The following CDC14B variants were observed in gnomAD, a reference collection of about 807,000 sequenced individuals.
The protein encoded by CDC14B is cell division cycle 14B, also known as dual specificity protein phosphatase CDC14B.
A neutral mutation model predicts 64.2 loss-of-function variants in CDC14B; 22 were observed. The observed-to-expected ratio is 0.34, with a 90% CI of 0.24 to 0.49. The LOEUF is 0.49. Ranked by LOEUF, CDC14B falls within the 20% of genes least tolerant of loss-of-function variation. CDC14B has a pLI of 0.99. For synonymous variants in CDC14B, 191 were observed against 215.8 expected, an observed-to-expected ratio of 0.89 and a Z score of 1.01; for missense variants, 498 against 629.9, an observed-to-expected ratio of 0.79 and a Z score of 2.24.
chr9:96,524,430 G>A (rs762376377), intron 9 of CDC14B, among the ~76,000 whole-genome samples: 1 of 152,142 alleles, frequency 6.6e-6, no homozygotes, highest in Non-Finnish European at 1.5e-5. Context: ...AAAACCAAAG[G>A]CTTGTAATTT....
intron 1 of CDC14B, among the ~76,000 whole-genome samples, chr9:96,570,892 C>T (rs963075581): frequency 2.6e-5 from 4 of 151,950 alleles, no homozygotes; most frequent in Admixed American, 1.3e-4. Context: ...GGATCTGAAG[C>T]GTAAGATTAA....
chr9:96,598,791 A>G (rs1470845314), intron 1 of CDC14B, among the ~76,000 whole-genome samples: 1 of 152,240 alleles, frequency 6.6e-6, no homozygotes, highest in Non-Finnish European at 1.5e-5. Context: ...ATGTGAAATG[A>G]CATATATGTC....
intron 12 of CDC14B, among the ~76,000 whole-genome samples, chr9:96,512,609 G>C (rs560419716): frequency 1.3e-5 from 2 of 152,260 alleles, no homozygotes; most frequent in East Asian, 3.9e-4. Flanking sequence ...ATAGGCATGA[G>C]CCAGTCTGCC....
chr9:96,490,991 G>T (rs973184399), exon 14 of CDC14B: 2 of 152,282 alleles, frequency 1.3e-5, no homozygotes, highest in African/African-American at 4.8e-5. Flanking sequence ...GGGGTTGGGG[G>T]TACACCTCAG....
chr9:96,577,588 A>C (rs1200861277), intron 1 of CDC14B, among the ~76,000 whole-genome samples: 1 of 152,190 alleles, frequency 6.6e-6, no homozygotes, highest in Admixed American at 6.5e-5. Flanking sequence ...CTTTGTGGTT[A>C]AGTGAACAGA....
At chr9:96,560,759 C>CTT (rs369325680) in intron 4 of CDC14B, among the ~76,000 whole-genome samples, 4 of 132,452 alleles carry the variant, frequency 3.0e-5, no homozygotes, top group Non-Finnish European at 1.6e-5. Flanking sequence ...ACTACTCAAA[C>CTT]TTTTTTTTTT....
At chr9:96,511,666 C>T (rs879929883) in intron 12 of CDC14B, among the ~76,000 whole-genome samples, 6 of 152,186 alleles carry the variant, frequency 3.9e-5, no homozygotes, top group Non-Finnish European at 5.9e-5. Flanking sequence ...TTTACTCATG[C>T]AGGATTTCTG....
At chr9:96,496,162 T>C (rs1007034712), downstream of CDC14B, 1 of 403,432 alleles carries the variant, frequency 2.5e-6, no homozygotes, top group Non-Finnish European at 5.0e-6. Context: ...AGGAAGGCCC[T>C]GGGCTGATGG....
At chr9:96,589,928 C>T (rs1278034698) in intron 1 of CDC14B, among the ~76,000 whole-genome samples, 15 of 151,254 alleles carry the variant, frequency 9.9e-5, no homozygotes, top group African/African-American at 3.2e-4. Context: ...ACCACTGCAC[C>T]CCAGCCTGGG....
At chr9:96,551,370 C>T (rs1004288060) in intron 5 of CDC14B, among the ~76,000 whole-genome samples, 1 of 152,044 alleles carries the variant, frequency 6.6e-6, no homozygotes, top group Non-Finnish European at 1.5e-5. Context: ...AATCATTCCA[C>T]CTTGGCATTC....
In CDC14B at chr9:96,520,095, A is replaced by G. The variant is rs181526403; in HGVS notation, c.1343+2411T>C. ...TGCAAATAATAGCAGAGAGGGTTTG[A>G]AAAAGCAGAGACGGGGATAAGCAAA... On this transcript the variant is annotated intron_variant, in intron 12 of 13. Coordinates refer to ENST00000375241, the MANE Select transcript of CDC14B (RefSeq NM_033331.4). Among the ~76,000 whole-genome samples, 315 of 152,362 alleles carry G rather than the reference A, an allele frequency of 2.1e-3. 2 individuals carry two copies. Among genetic ancestry groups the G allele is most frequent in the South Asian group, 0.019 (93 of 4,832 alleles).
chr9:96,615,302 TCC>T (rs759696769), intron 1 of CDC14B, among the ~76,000 whole-genome samples: 2 of 152,162 alleles, frequency 1.3e-5, no homozygotes, highest in Non-Finnish European at 2.9e-5. Context: ...CTTAGTCTGC[TCC>T]TAGTAAGAGT....
At chr9:96,521,268 G>A (rs1836672928) in intron 12 of CDC14B, among the ~76,000 whole-genome samples, 1 of 151,970 alleles carries the variant, frequency 6.6e-6, no homozygotes, top group African/African-American at 2.4e-5. Context: ...TTGTAGAGAC[G>A]GGGTTTCACC....
intron 4 of CDC14B, among the ~76,000 whole-genome samples, chr9:96,555,277 C>A (rs1487425916): frequency 6.6e-6 from 1 of 152,154 alleles, no homozygotes; most frequent in Non-Finnish European, 1.5e-5. Flanking sequence ...CTCTTAGAAC[C>A]CTCGCTCTGG....
At chr9:96,561,173 G>C (rs142086846) in intron 4 of CDC14B, among the ~76,000 whole-genome samples, 1 of 152,310 alleles carries the variant, frequency 6.6e-6, no homozygotes, top group African/African-American at 2.4e-5. Flanking sequence ...CTGACCTCAA[G>C]TGATCTGCCT....
In CDC14B at chr9:96,564,790, T is replaced by A; in HGVS notation, c.314A>T (p.Asn105Ile). The change falls in exon 3 of 14, where the codon AAT becomes ATT. Residue 105 changes from asparagine (N) to isoleucine (I), a missense_variant. By Grantham distance (149) the Asn-to-Ile change is moderately radical (BLOSUM62 -3). Transcript: ENST00000375241. Reference sequence around the variant, plus strand: ...TAAAGACTTTACCTTTAATTTCTTATTGATCTTGCAACAATATCTGTAAAC... The same window carrying A: ...TAAAGACTTTACCTTTAATTTCTTAATGATCTTGCAACAATATCTGTAAAC... ...AMVYRYCCKI[N>I]KKLKSITMLR... 6.3e-7 allele frequency: 1 copy of A among 1,596,384 alleles called. No individual in the cohort carries two copies.
intron 4 of CDC14B, among the ~76,000 whole-genome samples, chr9:96,554,879 T>C (rs1431382283): frequency 6.6e-6 from 1 of 152,236 alleles, no homozygotes; most frequent in East Asian, 1.9e-4. Flanking sequence ...AAATAACTCC[T>C]ACATTAACAC....
At chr9:96,494,522 A>G (rs1833167726) in intron 13 of CDC14B, among the ~76,000 whole-genome samples, 1 of 150,004 alleles carries the variant, frequency 6.7e-6, no homozygotes, top group Non-Finnish European at 1.5e-5. Context: ...GCTTTTCTGC[A>G]CATCTCCTGT....
chr9:96,608,558 C>T (rs117277700), intron 1 of CDC14B, among the ~76,000 whole-genome samples: 1,742 of 152,222 alleles, frequency 0.011, 19 homozygotes, highest in Middle Eastern at 0.044. Flanking sequence ...AATTAGAATG[C>T]TTTTCAGTTC....
Sources: allele counts gnomAD v4.1 joint callset (sites outside exome capture counted in the v4.1 genomes callset), GRCh38; gene constraint gnomAD v4.1.1; transcripts MANE v1.5; gene names NCBI Gene and HGNC (gene_info 2026-07-23, HGNC 2026-07-21).